Variants in CRB1 observed in about 807,000 individuals in gnomAD.
CRB1 encodes the protein crumbs cell polarity complex component 1.
In CRB1, 83 loss-of-function variants were observed where a neutral mutation model predicts 120.0. That is an observed-to-expected ratio of 0.69 (90% CI 0.58 to 0.83). CRB1 has a LOEUF of 0.83. Among genes scored for constraint, CRB1 ranks in the 40% least tolerant of loss-of-function variants. The pLI, the probability that CRB1 is intolerant of heterozygous loss-of-function variation, is 0.00. For synonymous variants in CRB1, 625 were observed against 612.5 expected (o/e 1.02, Z -0.30); for missense variants, 1,699 against 1,687.6 (o/e 1.01, Z -0.12).
At chr1:197,259,816 A>C in the CRB1 span, among the ~76,000 whole-genome samples, 2 of 152,158 alleles carry the variant, frequency 1.3e-5, no homozygotes, top group Non-Finnish European at 2.9e-5. Context: ...TTAGAAAACT[A>C]TCTGGAAGAT....
intron 5 of CRB1, among the ~76,000 whole-genome samples, chr1:197,379,625 A>C (rs1043115924): frequency 1.6e-4 from 24 of 151,958 alleles, no homozygotes; most frequent in South Asian, 4.2e-4. Context: ...AAAAAAAAAA[A>C]AAAACCATTT....
chr1:197,203,433 C>T, the CRB1 span, among the ~76,000 whole-genome samples: 6 of 152,260 alleles, frequency 3.9e-5, no homozygotes, highest in African/African-American at 1.4e-4. Flanking sequence ...AATTCTCCTG[C>T]CTCAGCCTCA....
chr1:197,304,384 A>G, intron 1 of CRB1: 1 of 982,640 alleles, frequency 1.0e-6, no homozygotes, highest in Non-Finnish European at 1.2e-6. Flanking sequence ...GGACACATCT[A>G]TGACTAGCAG....
intron 5 of CRB1, among the ~76,000 whole-genome samples, chr1:197,387,925 C>T (rs1010503765): frequency 2.0e-5 from 3 of 151,726 alleles, no homozygotes; most frequent in African/African-American, 7.3e-5. Context: ...TTTCCCCAAC[C>T]TCCCCTCACC....
the CRB1 span, among the ~76,000 whole-genome samples, chr1:197,251,016 T>G: frequency 6.6e-6 from 1 of 152,172 alleles, no homozygotes; most frequent in South Asian, 2.1e-4. Flanking sequence ...AAAATGTAGT[T>G]ATAGCCATTT....
the CRB1 span, among the ~76,000 whole-genome samples, chr1:197,260,290 A>G: frequency 6.6e-6 from 1 of 152,208 alleles, no homozygotes; most frequent in Non-Finnish European, 1.5e-5. Flanking sequence ...TACGGGTTTC[A>G]TACATGATTT....
rs1306415175 is a variant in CRB1, at chr1:197,268,260, T to C, written c.-153T>C. On this transcript the variant is annotated 5_prime_UTR_variant, in exon 1 of 12. Coordinates refer to ENST00000367400, the MANE Select transcript of CRB1 (RefSeq NM_201253.3). ...ACTGCATTTTGAATCTAAGTCCCTG[T>C]ATTTTCTGTGAAGGAGCTGTAAGTA... 8 of 704,548 alleles carry C rather than the reference T, an allele frequency of 1.1e-5. No individual in the cohort carries two copies. Among genetic ancestry groups the C allele is most frequent in the Non-Finnish European group, 2.1e-5 (8 of 381,418 alleles). 43.6% of individuals were successfully genotyped at this position (704,548 alleles called of 1,614,324 possible).
At chr1:197,259,766 A>G in the CRB1 span, among the ~76,000 whole-genome samples, 1 of 152,204 alleles carries the variant, frequency 6.6e-6, no homozygotes, top group South Asian at 2.1e-4. Context: ...TCCCCATTAT[A>G]CTTGGAATAG....
intron 5 of CRB1, among the ~76,000 whole-genome samples, chr1:197,420,412 A>T (rs1664243094): frequency 6.6e-6 from 1 of 152,238 alleles, no homozygotes; most frequent in African/African-American, 2.4e-5. Flanking sequence ...TGGTATAGAC[A>T]TCATGTTTTA....
Position 197,435,270 on chromosome 1 carries a change from G to T in CRB1, c.3407G>T (p.Gly1136Val). The T allele has an allele frequency of 6.2e-7, 1 of 1,613,800 alleles. No individual in the cohort carries two copies. The highest frequency in any genetic ancestry group is 8.5e-7 in the Non-Finnish European group (1 of 1,179,828). Residue 1136 changes from glycine (G) to valine (V), a missense_variant, in exon 9 of 12, where the codon GGC (glycine) becomes GTC (valine). By Grantham distance (109) the Gly-to-Val change is moderately radical (BLOSUM62 -3). Transcript: ENST00000367400. ...ATCTCTACCAATTCAGTGGTCACTGGCTGTTTGCAGTTAAATGTCTGCAAC... is the reference window on the plus strand; with the variant it reads ...ATCTCTACCAATTCAGTGGTCACTGTCTGTTTGCAGTTAAATGTCTGCAAC... ...LKISTNSVVT[G>V]CLQLNVCNSN...
At chr1:197,238,623 C>T in the CRB1 span, among the ~76,000 whole-genome samples, 1 of 152,010 alleles carries the variant, frequency 6.6e-6, no homozygotes, top group Non-Finnish European at 1.5e-5. Context: ...AAGCAGGCAG[C>T]TCACTTGACG....
At chr1:197,383,011 C>T (rs541948850) in intron 5 of CRB1, among the ~76,000 whole-genome samples, 19 of 152,152 alleles carry the variant, frequency 1.2e-4, no homozygotes, top group African/African-American at 2.4e-4. Context: ...TGGTAACTAC[C>T]CTCAAAAATC....
intron 11 of CRB1, among the ~76,000 whole-genome samples, chr1:197,473,665 A>G (rs1667078254): frequency 6.6e-6 from 1 of 151,930 alleles, no homozygotes; most frequent in South Asian, 2.1e-4. Context: ...AATTTGGGGT[A>G]TGTCTTTTCA....
intron 1 of CRB1, among the ~76,000 whole-genome samples, chr1:197,291,477 A>G (rs1656179718): frequency 6.6e-6 from 1 of 151,828 alleles, no homozygotes; most frequent in South Asian, 2.1e-4. Context: ...CTTATACTCA[A>G]AGTAGCTTCA....
rs1333543706 is a variant in CRB1, at chr1:197,268,395, T to A, written c.-18T>A. 1.3e-6 allele frequency: 2 copies of A among 1,585,896 alleles called. No homozygotes were observed. The highest frequency in any genetic ancestry group is 1.7e-6 in the Non-Finnish European group (2 of 1,154,620). ...AGACCACCAGCAACACACCAGAGGATGTTCTCTAAATAAGACCATGGCACT... is the reference window on the plus strand; with the variant it reads ...AGACCACCAGCAACACACCAGAGGAAGTTCTCTAAATAAGACCATGGCACT... On this transcript the variant is annotated 5_prime_UTR_variant, in exon 1 of 12. An upstream start codon of the reference 5' UTR is lost. Coordinates refer to ENST00000367400, the MANE Select transcript of CRB1 (RefSeq NM_201253.3).
At chr1:197,385,972 CA>C (rs559847252) in intron 5 of CRB1, among the ~76,000 whole-genome samples, 510 of 152,130 alleles carry the variant, frequency 3.4e-3, no homozygotes, top group Non-Finnish European at 5.0e-3. Context: ...AGGAACTATC[CA>C]TTTCCCAGCA....
intron 6 of CRB1, among the ~76,000 whole-genome samples, chr1:197,424,187 A>C (rs544762430): frequency 1.3e-5 from 2 of 152,328 alleles, no homozygotes; most frequent in Admixed American, 1.3e-4. Flanking sequence ...TGCCAAATGT[A>C]GTGGCTCAAA....
chr1:197,292,491 C>A (rs1231742953), intron 1 of CRB1, among the ~76,000 whole-genome samples: 2 of 152,064 alleles, frequency 1.3e-5, no homozygotes, highest in Non-Finnish European at 2.9e-5. Flanking sequence ...CAAGGAGGAG[C>A]TGGTACCATT....
intron 5 of CRB1, among the ~76,000 whole-genome samples, chr1:197,404,857 C>T (rs1214884103): frequency 6.6e-6 from 1 of 152,166 alleles, no homozygotes; most frequent in Non-Finnish European, 1.5e-5. Flanking sequence ...TAAGTTCTGG[C>T]ACTACCACTG....
Sources: allele counts gnomAD v4.1 joint callset (sites outside exome capture counted in the v4.1 genomes callset), GRCh38; gene constraint gnomAD v4.1.1; transcripts MANE v1.5; gene names NCBI Gene and HGNC (gene_info 2026-07-23, HGNC 2026-07-21).